Variants in ICE1 observed in about 807,000 individuals in gnomAD.
ICE1 encodes little elongation complex subunit 1.
Under a neutral mutation model 192.7 loss-of-function variants are expected in ICE1, and 64 were observed. The ratio of observed to expected loss-of-function variants is 0.33; its 90% CI spans 0.27 to 0.41. The LOEUF is 0.41. Ranked by LOEUF, ICE1 falls within the 10% of genes least tolerant of loss-of-function variation. The pLI is 1.00. For synonymous variants in ICE1, 1,010 were observed against 984.5 expected (o/e 1.03, Z -0.49); for missense variants, 2,708 against 2,696.0 (o/e 1.00, Z -0.10).
At chr5:5,436,961 C>T (rs745571397) in intron 2 of ICE1, 119 bp from the exon 3 acceptor site, 6 of 668,874 alleles carry the variant, frequency 9.0e-6, no homozygotes, top group Non-Finnish European at 1.3e-5. Flanking sequence ...ATTTAGCATG[C>T]ATTTGTTTCA....
Position 5,462,250 on chromosome 5 carries a change from G to T in ICE1, c.2916G>T (p.Val972=). 6.2e-7 allele frequency: 1 copy of T among 1,612,224 alleles called. No individual in the cohort carries two copies. Among genetic ancestry groups the T allele is most frequent in the Non-Finnish European group, 8.5e-7 (1 of 1,178,814 alleles). The part of the protein sequence containing the change: ...ENILIQNQDI[V]REAAVQGDGQ... ...TCCTCATCCAAAACCAAGACATTGT[G>T]AGAGAAGCTGCAGTGCAGGGAGATG... The change falls in exon 13 of 19, where the codon GTG becomes GTT. Residue 972 remains valine (V), a synonymous_variant. Coordinates refer to ENST00000296564, the MANE Select transcript of ICE1 (RefSeq NM_015325.3).
At chr5:5,430,593 A>C (rs557945346) in intron 1 of ICE1, among the ~76,000 whole-genome samples, 1 of 152,292 alleles carries the variant, frequency 6.6e-6, no homozygotes, top group South Asian at 2.1e-4. Context: ...AGACAGAACC[A>C]TTTTTAATTG....
At chr5:5,437,337 G>C (rs1319706253) in intron 3 of ICE1, 2 of 428,364 alleles carry the variant, frequency 4.7e-6, no homozygotes, top group Non-Finnish European at 8.4e-6. Flanking sequence ...TGTTGATTGT[G>C]ATTTTCTTAA....
At chr5:5,439,300 T>C (rs1737969207) in intron 3 of ICE1, among the ~76,000 whole-genome samples, 1 of 152,186 alleles carries the variant, frequency 6.6e-6, no homozygotes, top group Non-Finnish European at 1.5e-5. Flanking sequence ...GTACATGTCC[T>C]ATATTGTGAT....
At position 5,457,536 on chromosome 5, in the gene ICE1, A is replaced by G; in HGVS notation, c.896A>G (p.Asn299Ser). 3 of 1,613,998 alleles carry G rather than the reference A, an allele frequency of 1.9e-6. No homozygotes were observed. In the South Asian group the frequency reaches 3.3e-5, roughly 18 times the overall value. Residue 299 changes from asparagine to serine, a missense_variant, in exon 12 of 19, where the codon AAT becomes AGT. Asn to Ser is a conservative substitution (Grantham distance 46, BLOSUM62 1). This residue lies in a region of ICE1 where 2,366 missense variants were observed against 2,276.6 expected (regional missense o/e 1.04). Transcript: ENST00000296564. Reference sequence around the variant, plus strand: ...AATTGTAGTTCTGACCATGTTTTTAATGAGAATGGAAATCTTGAGGTTTTA... The same window carrying G: ...AATTGTAGTTCTGACCATGTTTTTAGTGAGAATGGAAATCTTGAGGTTTTA... ...GTNCSSDHVF[N>S]ENGNLEVLVQ...
chr5:5,426,681 A>G (rs768563957), intron 1 of ICE1, among the ~76,000 whole-genome samples: 1 of 152,234 alleles, frequency 6.6e-6, no homozygotes, highest in Non-Finnish European at 1.5e-5. Context: ...AGAGGGTTAA[A>G]CAGGGAGTGC....
rs573523216 is a variant in ICE1 at position 5,465,365 on chromosome 5, C to T, written c.5892+139C>T. 8.3e-5 allele frequency: 51 copies of T among 611,656 alleles called. 2 individuals carry two copies. In the South Asian group the frequency reaches 1.0e-3, roughly 12 times the overall value. The allele number at this position is 611,656 out of a possible 1,614,324, so 37.9% of individuals were successfully genotyped here. A position where few individuals can be genotyped will look rare whatever the true frequency, so the allele number is the denominator to read the frequency against. On this transcript the variant is annotated intron_variant, in intron 13 of 18. Coordinates refer to ENST00000296564, the MANE Select transcript of ICE1 (RefSeq NM_015325.3). ...ATGAGAGTTATCCATGTAAACATTA[C>T]GACTATATTTCTAGCCAGCATTTTA... is the stretch of plus-strand genomic sequence containing the variant.
chr5:5,478,193 T>C (rs1739395155), intron 17 of ICE1, among the ~76,000 whole-genome samples: 1 of 152,212 alleles, frequency 6.6e-6, no homozygotes, highest in Non-Finnish European at 1.5e-5. Flanking sequence ...GATGACATGA[T>C]TGTATATTTA....
intron 1 of ICE1, among the ~76,000 whole-genome samples, chr5:5,432,671 T>G (rs1166547507): frequency 6.6e-6 from 1 of 152,218 alleles, no homozygotes; most frequent in Non-Finnish European, 1.5e-5. Context: ...CACATCATCA[T>G]CAACACTTGC....
chr5:5,465,355 G>A, intron 13 of ICE1, 129 bp downstream of exon 13: 2 of 636,982 alleles, frequency 3.1e-6, no homozygotes, highest in South Asian at 2.1e-5. Context: ...AGTTATCCAT[G>A]TAAACATTAC....
intron 15 of ICE1, 95 bp from the exon 16 acceptor site, chr5:5,473,463 G>A: frequency 9.7e-7 from 1 of 1,028,888 alleles, no homozygotes; most frequent in Non-Finnish European, 1.4e-6. Context: ...TAAATGATTA[G>A]TCATCGAATG....
intron 17 of ICE1, among the ~76,000 whole-genome samples, chr5:5,481,955 C>G (rs759812420): frequency 5.3e-5 from 8 of 152,190 alleles, no homozygotes; most frequent in Non-Finnish European, 7.3e-5. Context: ...AGGACAGAAT[C>G]TCCTCAAAGA....
At chr5:5,439,945 C>T in intron 4 of ICE1, 32 bp downstream of exon 4, 1 of 1,471,148 alleles carries the variant, frequency 6.8e-7, no homozygotes, top group Non-Finnish European at 9.2e-7. Flanking sequence ...TTTATGATAC[C>T]ACCTATATGA....
rs183882234 is a variant in ICE1, at chr5:5,483,001, T to G, written c.6521-3720T>G. ...GGAATTGTCTTTATTCTTTTTTTGT[T>G]TTTTTTGAGACGGAGTTTCGCTCTT... On this transcript the variant is annotated intron_variant, in intron 17 of 18. Coordinates refer to ENST00000296564, the MANE Select transcript of ICE1 (RefSeq NM_015325.3). Among the ~76,000 whole-genome samples, 452 of 152,262 alleles carry G rather than the reference T, an allele frequency of 3.0e-3. 2 individuals carry two copies. The highest frequency in any genetic ancestry group is 0.024 in the Middle Eastern group (7 of 294).
intron 7 of ICE1, among the ~76,000 whole-genome samples, chr5:5,444,685 G>A (rs1738159394): frequency 6.6e-6 from 1 of 152,066 alleles, no homozygotes; most frequent in Admixed American, 6.6e-5. Flanking sequence ...TGGTGGAAAG[G>A]GTGGCTACTT....
chr5:5,430,946 A>G (rs1196616456), intron 1 of ICE1, among the ~76,000 whole-genome samples: 1 of 152,232 alleles, frequency 6.6e-6, no homozygotes, highest in African/African-American at 2.4e-5. Context: ...TATATGGTGC[A>G]TCTTATTTAA....
At chr5:5,445,968 C>T (rs1738210604) in intron 7 of ICE1, among the ~76,000 whole-genome samples, 1 of 152,036 alleles carries the variant, frequency 6.6e-6, no homozygotes, top group African/African-American at 2.4e-5. Context: ...ATCCGCCTGC[C>T]TCAGCCTCCC....
At chr5:5,427,201 C>T (rs987924390) in intron 1 of ICE1, among the ~76,000 whole-genome samples, 1 of 152,164 alleles carries the variant, frequency 6.6e-6, no homozygotes, top group African/African-American at 2.4e-5. Flanking sequence ...CGTAGTCTCA[C>T]AAATCACTTC....
In ICE1 at chr5:5,463,615, C is replaced by T; in HGVS notation, c.4281C>T (p.Ile1427=). The T allele has an allele frequency of 6.2e-7, 1 of 1,613,986 alleles. No individual in the cohort carries two copies. The highest frequency in any genetic ancestry group is 8.5e-7 in the Non-Finnish European group (1 of 1,179,892). ...AAAAGGGGGACAACTGGACAATCAT[C>T]AGTGGTGTAGCTGTCTTGCCACATG... The part of the protein sequence containing the change: ...VIEKGDNWTI[I]SGVAVLPHVD... The change falls in exon 13 of 19, where the codon ATC becomes ATT. Residue 1427 remains isoleucine, a synonymous_variant. Transcript: ENST00000296564.
Sources: allele counts gnomAD v4.1 joint callset (sites outside exome capture counted in the v4.1 genomes callset), GRCh38; gene constraint gnomAD v4.1.1; regional missense constraint gnomAD v4.1.1; transcripts MANE v1.5; gene names NCBI Gene and HGNC (gene_info 2026-07-23, HGNC 2026-07-21).